FAM193A: variants seen among roughly 807,000 people sequenced by gnomAD.
FAM193A encodes family with sequence similarity 193 member A.
A neutral mutation model predicts 126.5 loss-of-function variants in FAM193A; 22 were observed. That is an observed-to-expected ratio of 0.17 (90% CI 0.12 to 0.25). FAM193A has a LOEUF of 0.25. FAM193A is among the 10% of genes least tolerant of loss of function. The probability of loss-of-function intolerance (pLI) is 1.00; values close to 1 mark genes in which losing one functional copy is unlikely to be tolerated. For synonymous variants in FAM193A, 761 were observed against 646.8 expected, an observed-to-expected ratio of 1.18 and a Z score of -2.68; for missense variants, 1,675 against 1,672.8, an observed-to-expected ratio of 1.00 and a Z score of -0.02.
chr4:2,535,585 G>A (rs993227907), upstream of FAM193A, among the ~76,000 whole-genome samples: 4 of 152,244 alleles, frequency 2.6e-5, no homozygotes, highest in Non-Finnish European at 5.9e-5. Flanking sequence ...CCCGTGGCCC[G>A]GGTCTCAGGG....
intron 7 of FAM193A, among the ~76,000 whole-genome samples, chr4:2,647,954 G>C (rs1244597052): frequency 6.6e-6 from 1 of 152,138 alleles, no homozygotes; most frequent in Admixed American, 6.5e-5. Flanking sequence ...TCAGTGCTGT[G>C]AGGGACTGGG....
In FAM193A at chr4:2,699,949, C is replaced by T. The variant is rs1560585834; in HGVS notation, c.3777C>T (p.Ile1259=). The change falls in exon 19 of 21, where the codon ATC becomes ATT. Residue 1259 remains isoleucine (I), a synonymous_variant. Coordinates refer to ENST00000637812, the MANE Select transcript of FAM193A (RefSeq NM_001366318.2). ...ATESVPNSGN[I]HNGSLEQTEE... is the part of the protein sequence containing the mutation. The stretch of plus-strand genomic sequence containing the variant: ...AGTCTGTTCCTAACTCTGGAAACAT[C>T]CACAATGGCTCACTAGAGCAAACTG... The T allele has an allele frequency of 6.2e-7, 1 of 1,614,038 alleles. No individual in the cohort carries two copies. Among genetic ancestry groups the T allele is most frequent in the South Asian group, 1.1e-5 (1 of 91,072 alleles).
chr4:2,590,512 AAAAAC>A (rs1361401510), intron 1 of FAM193A, among the ~76,000 whole-genome samples: 2 of 114,564 alleles, frequency 1.7e-5, no homozygotes, highest in Non-Finnish European at 3.5e-5. Flanking sequence ...AAAACAAAAA[AAAAAC>A]AAAACAAAAT....
At chr4:2,710,624 T>C (rs534565389) in intron 19 of FAM193A, among the ~76,000 whole-genome samples, 1 of 151,416 alleles carries the variant, frequency 6.6e-6, no homozygotes, top group East Asian at 2.0e-4. Flanking sequence ...CCACTCACCT[T>C]CTCAAGTAGG....
intron 13 of FAM193A, among the ~76,000 whole-genome samples, chr4:2,689,206 A>C (rs552985817): frequency 6.6e-6 from 1 of 152,328 alleles, no homozygotes; most frequent in Admixed American, 6.5e-5. Flanking sequence ...CACATGGCAC[A>C]CTCACATGTG....
intron 1 of FAM193A, among the ~76,000 whole-genome samples, chr4:2,577,095 T>A (rs1325514609): frequency 2.0e-5 from 3 of 152,246 alleles, no homozygotes; most frequent in African/African-American, 7.2e-5. Context: ...ACACCTGAAC[T>A]TTTTTGAGAG....
intron 1 of FAM193A, among the ~76,000 whole-genome samples, chr4:2,588,698 A>T (rs1299569196): frequency 6.6e-6 from 1 of 152,086 alleles, no homozygotes; most frequent in African/African-American, 2.4e-5. Context: ...CCTCTGTTCT[A>T]TTTAAGTAGT....
intron 13 of FAM193A, among the ~76,000 whole-genome samples, chr4:2,682,794 T>G (rs1034760068): frequency 2.0e-5 from 3 of 151,660 alleles, no homozygotes; most frequent in Non-Finnish European, 2.9e-5. Flanking sequence ...CCCTTCCCTA[T>G]TCCCTGTGAC....
At chr4:2,568,080 C>T (rs114467373) in intron 1 of FAM193A, among the ~76,000 whole-genome samples, 142 of 152,298 alleles carry the variant, frequency 9.3e-4, no homozygotes, top group African/African-American at 3.3e-3. Context: ...GGCTTGATGC[C>T]GCCTTTTCTA....
intron 13 of FAM193A, 75 bp downstream of exon 13, chr4:2,672,447 A>G (rs1713929664): frequency 6.5e-7 from 1 of 1,528,692 alleles, no homozygotes; most frequent in African/African-American, 1.4e-5. Flanking sequence ...CAAACAAAGA[A>G]ATCTGTGAAT....
At chr4:2,694,366 T>A (rs1716790015) in intron 16 of FAM193A, among the ~76,000 whole-genome samples, 1 of 151,722 alleles carries the variant, frequency 6.6e-6, no homozygotes, top group Non-Finnish European at 1.5e-5. Flanking sequence ...ACCTCCTGGG[T>A]TCAAGCGATT....
At chr4:2,594,820 C>CTTTTTTTTTTTTTTTTTTTTCTTTTT (rs1740764008) in intron 1 of FAM193A, among the ~76,000 whole-genome samples, 1 of 62,210 alleles carries the variant, frequency 1.6e-5, no homozygotes, top group Non-Finnish European at 2.8e-5. Context: ...TTTTCTTTTC[C>CTTTTTTTTTTTTTTTTTTTTCTTTTT]TTTTTTTTTT....
intron 1 of FAM193A, among the ~76,000 whole-genome samples, chr4:2,568,136 T>TTA (rs1222278809): frequency 5.9e-5 from 9 of 152,334 alleles, no homozygotes; most frequent in African/African-American, 2.2e-4. Flanking sequence ...TAGTGATACT[T>TTA]TACACCTTTG....
At chr4:2,671,431 G>A (rs1713768820) in intron 12 of FAM193A, among the ~76,000 whole-genome samples, 1 of 152,160 alleles carries the variant, frequency 6.6e-6, no homozygotes, top group Admixed American at 6.5e-5. Context: ...GTTGGTTTGC[G>A]CTGACATCCC....
intron 4 of FAM193A, among the ~76,000 whole-genome samples, chr4:2,630,667 G>T (rs1035550576): frequency 6.6e-6 from 1 of 152,218 alleles, no homozygotes; most frequent in Middle Eastern, 3.2e-3. Context: ...CACACACAGC[G>T]AACTGAATTA....
chr4:2,641,006 ATTG>A (rs1332501517), intron 6 of FAM193A, among the ~76,000 whole-genome samples: 1 of 151,690 alleles, frequency 6.6e-6, no homozygotes, highest in African/African-American at 2.4e-5. Context: ...AAGGGAATAA[ATTG>A]TTGTTCTGTT....
At chr4:2,725,545 G>A (rs184512286) in intron 20 of FAM193A, among the ~76,000 whole-genome samples, 2 of 150,510 alleles carry the variant, frequency 1.3e-5, no homozygotes, top group Non-Finnish European at 2.9e-5. Context: ...ACCTCAAGCT[G>A]AGTAATCCAC....
intron 4 of FAM193A, among the ~76,000 whole-genome samples, 180 bp from the exon 5 acceptor site, chr4:2,630,755 C>G (rs1743481866): frequency 6.6e-6 from 1 of 152,210 alleles, no homozygotes; most frequent in Non-Finnish European, 1.5e-5. Context: ...ACTCTGTGCC[C>G]CGGATTCCCC....
intron 13 of FAM193A, among the ~76,000 whole-genome samples, chr4:2,684,541 C>A (rs772937609): frequency 2.0e-5 from 3 of 151,988 alleles, no homozygotes; most frequent in Non-Finnish European, 4.4e-5. Context: ...TTTCCTTTTG[C>A]GGATGGAGTA....
Sources: gnomAD v4.1 joint callset for allele counts (sites outside exome capture counted in the v4.1 genomes callset) on GRCh38, gnomAD v4.1.1 for gene constraint, MANE v1.5 for transcripts, NCBI Gene and HGNC (gene_info 2026-07-23, HGNC 2026-07-21) for gene names.